PCDH15: variants seen among roughly 807,000 people sequenced by gnomAD.
The protein encoded by PCDH15 is protocadherin-15.
In PCDH15, 129 loss-of-function variants were observed where a neutral mutation model predicts 178.5. The ratio of observed to expected loss-of-function variants is 0.72; its 90% CI spans 0.63 to 0.84. The LOEUF is 0.84. Ranked by LOEUF, PCDH15 falls within the 40% of genes least tolerant of loss-of-function variation. PCDH15 has a pLI of 0.00. For synonymous variants in PCDH15, 800 were observed against 732.0 expected (o/e 1.09, Z -1.50); for missense variants, 2,230 against 2,099.9 (o/e 1.06, Z -1.21).
chr10:55,347,271 T>A (rs2131962310), intron 2 of PCDH15, among the ~76,000 whole-genome samples: 1 of 151,996 alleles, frequency 6.6e-6, no homozygotes, highest in East Asian at 1.9e-4. Context: ...TTTTTTTACA[T>A]AAAGGGGAAG....
chr10:54,163,397 A>G (rs1177625533), intron 13 of PCDH15, among the ~76,000 whole-genome samples: 3 of 146,246 alleles, frequency 2.1e-5, no homozygotes, highest in Non-Finnish European at 3.0e-5. Context: ...CCTTGTTCAC[A>G]TGGCAGCAGG....
intron 1 of PCDH15, among the ~76,000 whole-genome samples, chr10:55,181,750 T>G (rs2132135242): frequency 6.6e-6 from 1 of 152,128 alleles, no homozygotes; most frequent in East Asian, 1.9e-4. Context: ...AGATGTAGAT[T>G]AAAACTGATT....
At chr10:55,279,107 G>A (rs533082123) in intron 1 of PCDH15, among the ~76,000 whole-genome samples, 164 of 152,240 alleles carry the variant, frequency 1.1e-3, no homozygotes, top group South Asian at 4.8e-3. Context: ...GAGCCATTCC[G>A]TTTACAACTG....
upstream of PCDH15, among the ~76,000 whole-genome samples, chr10:55,320,371 C>T (rs1843857527): frequency 6.6e-6 from 1 of 152,040 alleles, no homozygotes; most frequent in South Asian, 2.1e-4. Flanking sequence ...CACACCATGC[C>T]CCCACCACCA....
intron 2 of PCDH15, among the ~76,000 whole-genome samples, chr10:55,116,751 G>T (rs1328254581): frequency 6.6e-6 from 1 of 152,130 alleles, no homozygotes. Flanking sequence ...AACAGCAGAA[G>T]CAGGAAGGTC....
intron 14 of PCDH15, among the ~76,000 whole-genome samples, chr10:54,136,681 G>A (rs1738062299): frequency 6.6e-6 from 1 of 152,130 alleles, no homozygotes; most frequent in Non-Finnish European, 1.5e-5. Context: ...AAACTCGTAT[G>A]AGTTACTTGG....
chr10:53,893,783 G>T (rs555187830), intron 26 of PCDH15, among the ~76,000 whole-genome samples: 1 of 152,228 alleles, frequency 6.6e-6, no homozygotes, highest in South Asian at 2.1e-4. Context: ...AATGAATTTT[G>T]GGGACTCGGG....
Position 54,967,915 on chromosome 10 carries a change from C to T in PCDH15, c.-79-70415G>A, listed in dbSNP as rs1838832898. 2.0e-5 allele frequency among the ~76,000 whole-genome samples: 3 copies of T among 152,220 alleles called. 1 individual carries two copies. In the Middle Eastern group the frequency reaches 0.01, roughly 518 times the overall value. ...CACCTCACTGGCATCACCCTATGTG[C>T]TCAGTGTCCTCATAGAACACAACAG... On this transcript the variant is annotated intron_variant, in intron 2 of 5. Transcript: ENST00000458638.
rs1415736170 is a variant in PCDH15 at position 53,823,240 on chromosome 10, C to T, written c.4368-3010G>A. The T allele has an allele frequency of 1.7e-5, 28 of 1,613,918 alleles. No individual in the cohort carries two copies. Among genetic ancestry groups the T allele is most frequent in the African/African-American group, 2.7e-5 (2 of 74,902 alleles). On this transcript the variant is annotated intron_variant, in intron 32 of 37. Transcript: ENST00000644397. ...CTCTTAAGTGATCCGTCTACATGAG[C>T]TGACTTGTGAGCCTCAATAGTATTG...
At chr10:55,550,435 T>A (rs1187752749) in intron 2 of PCDH15, among the ~76,000 whole-genome samples, 2 of 152,132 alleles carry the variant, frequency 1.3e-5, no homozygotes, top group African/African-American at 4.8e-5. Flanking sequence ...CCTAGGAGTA[T>A]GAGTCATAGT....
At chr10:54,993,591 G>T (rs757717031) in intron 2 of PCDH15, among the ~76,000 whole-genome samples, 1 of 151,958 alleles carries the variant, frequency 6.6e-6, no homozygotes, top group Non-Finnish European at 1.5e-5. Context: ...AATTCACACT[G>T]AATTTGAGTA....
intron 2 of PCDH15, among the ~76,000 whole-genome samples, chr10:54,572,384 G>A (rs2089955166): frequency 6.6e-6 from 1 of 152,014 alleles, no homozygotes; most frequent in South Asian, 2.1e-4. Flanking sequence ...TCCACCTTGA[G>A]TTTGCCTTCT....
rs886047065 is a variant in PCDH15, at chr10:54,066,748, T to C, written c.2220+9A>G. Reference sequence around the variant, plus strand: ...CTACATATAAGATCTATATAAATATTCCACTTACTTTTACTTGACCCACAA... The same window carrying C: ...CTACATATAAGATCTATATAAATATCCCACTTACTTTTACTTGACCCACAA... On this transcript the variant is annotated intron_variant, in intron 18 of 37. Coordinates refer to ENST00000644397, the MANE Select transcript of PCDH15 (RefSeq NM_001384140.1). 3 of 1,612,106 alleles carry C rather than the reference T, an allele frequency of 1.9e-6. No homozygotes were observed. The highest frequency in any genetic ancestry group is 2.5e-6 in the Non-Finnish European group (3 of 1,178,578).
chr10:54,655,301 A>AGAGAGAGAGAGG (rs2094371485), intron 2 of PCDH15, among the ~76,000 whole-genome samples: 1 of 106,850 alleles, frequency 9.4e-6, no homozygotes, highest in African/African-American at 3.5e-5. Flanking sequence ...AGAGAGAGAG[A>AGAGAGAGAGAGG]GACAGAGAGA....
At chr10:54,111,111 A>G (rs569631443) in intron 15 of PCDH15, among the ~76,000 whole-genome samples, 2 of 152,176 alleles carry the variant, frequency 1.3e-5, no homozygotes, top group Non-Finnish European at 2.9e-5. Context: ...TCTATTTATC[A>G]AAATCTCAGA....
At chr10:55,548,195 C>T (rs1183778032) in intron 2 of PCDH15, among the ~76,000 whole-genome samples, 1 of 146,508 alleles carries the variant, frequency 6.8e-6, no homozygotes, top group Admixed American at 7.0e-5. Context: ...GCCAAACCCT[C>T]TCTAAATGCC....
chr10:55,133,389 C>T (rs1260224161), intron 2 of PCDH15, among the ~76,000 whole-genome samples: 1 of 152,124 alleles, frequency 6.6e-6, no homozygotes, highest in Non-Finnish European at 1.5e-5. Flanking sequence ...CGTTTTCCTT[C>T]AATCTAACTG....
At chr10:53,910,568 G>C (rs979080962) in intron 25 of PCDH15, among the ~76,000 whole-genome samples, 14 of 152,168 alleles carry the variant, frequency 9.2e-5, no homozygotes, top group African/African-American at 3.4e-4. Context: ...AACCAGAGCA[G>C]AAAAGCTGAA....
intron 18 of PCDH15, among the ~76,000 whole-genome samples, chr10:54,043,377 C>G (rs1381186556): frequency 6.6e-6 from 1 of 151,078 alleles, no homozygotes; most frequent in African/African-American, 2.4e-5. Flanking sequence ...AACCTGCTCT[C>G]TCTCTCTCTC....
Sources: allele counts gnomAD v4.1 joint callset (sites outside exome capture counted in the v4.1 genomes callset), GRCh38; gene constraint gnomAD v4.1.1; transcripts MANE v1.5; gene names NCBI Gene and HGNC (gene_info 2026-07-23, HGNC 2026-07-21).